The following LDB3 variants were observed in gnomAD, a reference collection of about 807,000 sequenced individuals.
The protein encoded by LDB3 is LIM domain binding 3.
In LDB3, 49 loss-of-function variants were observed where a neutral mutation model predicts 69.0. The observed-to-expected ratio is 0.71, with a 90% CI of 0.56 to 0.90. The LOEUF is 0.90. Among genes scored for constraint, LDB3 ranks in the 40% least tolerant of loss-of-function variants. The pLI is 0.00. For synonymous variants in LDB3, 387 were observed against 396.2 expected (o/e 0.98, Z 0.28); for missense variants, 928 against 974.1 (o/e 0.95, Z 0.63).
In LDB3 at chr10:86,734,313, AG is replaced by A. The variant is rs1847561148; in HGVS notation, c.*1339del. 1 of 152,220 alleles carries A rather than the reference AG, an allele frequency of 6.6e-6. No individual in the cohort carries two copies. The highest frequency in any genetic ancestry group is 2.4e-5 in the African/African-American group (1 of 41,464). 9.4% of individuals were successfully genotyped at this position (152,220 alleles called of 1,614,324 possible). ...CTTTATACTAGTGATAGTTTGAGTT[AG>A]GTAAGCATCTTAAAGCTGTTTGGTG... On this transcript the variant is annotated 3_prime_UTR_variant, in exon 14 of 14. Transcript: ENST00000361373.
chr10:86,723,081 A>C (rs1237267232), intron 12 of LDB3, among the ~76,000 whole-genome samples: 1 of 151,758 alleles, frequency 6.6e-6, no homozygotes, highest in Non-Finnish European at 1.5e-5. Flanking sequence ...AGCTTGGACA[A>C]TATAGGGAGA....
At chr10:86,709,448 A>G (rs1846557245) in intron 8 of LDB3, among the ~76,000 whole-genome samples, 1 of 152,186 alleles carries the variant, frequency 6.6e-6, no homozygotes, top group Non-Finnish European at 1.5e-5. Context: ...TCACTGGAGC[A>G]TCTGTGCCCA....
intron 2 of LDB3, among the ~76,000 whole-genome samples, chr10:86,671,002 C>T (rs1344409519): frequency 2.0e-5 from 3 of 152,228 alleles, no homozygotes; most frequent in African/African-American, 7.2e-5. Context: ...CCCTTCTGCA[C>T]CAGGGACATC....
intron 12 of LDB3, among the ~76,000 whole-genome samples, chr10:86,724,495 T>C (rs897775366): frequency 6.6e-6 from 1 of 151,472 alleles, no homozygotes; most frequent in Non-Finnish European, 1.5e-5. Context: ...TCCCAGCTAC[T>C]TGGGAGGCTG....
intron 3 of LDB3, 48 bp downstream of exon 3, chr10:86,679,566 A>G (rs765907567): frequency 1.7e-5 from 27 of 1,603,918 alleles, no homozygotes; most frequent in South Asian, 3.3e-5. Context: ...GGGTGTGGGC[A>G]TGGGGCAGGG....
rs767658173 is a variant in LDB3 at position 86,681,458 on chromosome 10, G to A, written c.344G>A (p.Gly115Asp). The change falls in exon 5 of 14, where the codon GGC becomes GAC. Residue 115 changes from glycine to aspartate, a missense_variant. By Grantham distance (94) the Gly-to-Asp change is moderately conservative. Transcript: ENST00000361373. Reference sequence around the variant, plus strand: ...CAGGACCCCGCTCTGGACACGAACGGCAGCCTGGTGGCACCCAGCCCCAGC... The same window carrying A: ...CAGGACCCCGCTCTGGACACGAACGACAGCCTGGTGGCACCCAGCCCCAGC... ...HQKDPALDTN[G>D]SLVAPSPSPE... 2.5e-5 allele frequency: 40 copies of A among 1,605,022 alleles called. No individual in the cohort carries two copies. The South Asian group carries it at 4.2e-4, about 17-fold the overall frequency.
chr10:86,681,116 G>A (rs1461334679), intron 4 of LDB3, among the ~76,000 whole-genome samples: 2 of 152,256 alleles, frequency 1.3e-5, no homozygotes, highest in Non-Finnish European at 2.9e-5. Flanking sequence ...GGGGCAGGGG[G>A]AACAGACACA....
intron 8 of LDB3, 54 bp from the exon 9 acceptor site, chr10:86,709,851 A>G: frequency 6.3e-7 from 1 of 1,596,370 alleles, no homozygotes; most frequent in African/African-American, 1.3e-5. Context: ...CCTTGACTGC[A>G]GGCCCCAGTG....
chr10:86,719,386 G>A (rs983103139), intron 12 of LDB3, among the ~76,000 whole-genome samples: 17 of 138,340 alleles, frequency 1.2e-4, no homozygotes, highest in African/African-American at 4.6e-4. Context: ...GTAAGATCCT[G>A]TATCTCAAAA....
At chr10:86,717,803 C>G (rs1846930619) in intron 10 of LDB3, among the ~76,000 whole-genome samples, 161 bp from the exon 11 acceptor site, 3 of 152,228 alleles carry the variant, frequency 2.0e-5, no homozygotes, top group Admixed American at 1.3e-4. Flanking sequence ...CAATGAACAC[C>G]TTTCTGCATG....
intron 13 of LDB3, among the ~76,000 whole-genome samples, chr10:86,731,731 G>A (rs1847465587): frequency 6.6e-6 from 1 of 152,074 alleles, no homozygotes; most frequent in South Asian, 2.1e-4. Context: ...AATGGTTCTT[G>A]TTCAACATGG....
chr10:86,687,350 C>T, intron 5 of LDB3: 2 of 1,405,420 alleles, frequency 1.4e-6, no homozygotes, highest in Non-Finnish European at 2.0e-6. Context: ...CCATCGGGAC[C>T]AGCTTTCTTC....
At chr10:86,692,646 C>T in intron 7 of LDB3, 75 bp downstream of exon 7, 1 of 1,340,838 alleles carries the variant, frequency 7.5e-7, no homozygotes, top group Admixed American at 1.7e-5. Context: ...CAGGTCACAT[C>T]ACTCATGGAA....
chr10:86,693,358 G>A (rs1006797024), intron 7 of LDB3, among the ~76,000 whole-genome samples: 8 of 152,108 alleles, frequency 5.3e-5, no homozygotes, highest in African/African-American at 1.7e-4. Flanking sequence ...TGTTCTTCCC[G>A]GCACTGTCTG....
At chr10:86,692,460 G>A in intron 6 of LDB3, 75 bp from the exon 7 acceptor site, 1 of 1,458,652 alleles carries the variant, frequency 6.9e-7, no homozygotes, top group Non-Finnish European at 9.6e-7. Context: ...TGGGGACTCA[G>A]TGCCCACAGA....
intron 2 of LDB3, among the ~76,000 whole-genome samples, chr10:86,676,619 G>A (rs1034561399): frequency 6.6e-5 from 10 of 152,024 alleles, no homozygotes; most frequent in African/African-American, 2.4e-4. Context: ...CAGCCCCTAG[G>A]GCTGAAATGG....
chr10:86,711,268 G>A (rs893911188), intron 9 of LDB3, among the ~76,000 whole-genome samples: 3 of 152,164 alleles, frequency 2.0e-5, no homozygotes, highest in African/African-American at 4.8e-5. Context: ...CCCGCCAGGC[G>A]GCGTCAGGGC....
At position 86,726,325 on chromosome 10, in the gene LDB3, C is replaced by A. The variant is rs1001604655; in HGVS notation, c.2094+73C>A. Reference sequence around the variant, plus strand: ...GAGGAAGTGGGAGCCAGATGACCAACCTCTACATACCTTGCCACGCTAGCT... The same window carrying A: ...GAGGAAGTGGGAGCCAGATGACCAAACTCTACATACCTTGCCACGCTAGCT... On this transcript the variant is annotated intron_variant, in intron 13 of 13. Transcript: ENST00000361373. The A allele has an allele frequency of 6.4e-6, 7 of 1,101,896 alleles. No individual in the cohort carries two copies. In the African/African-American group the frequency reaches 1.1e-4, roughly 17 times the overall value. The allele number at this position is 1,101,896 out of a possible 1,614,324, so 68.3% of individuals were successfully genotyped here.
chr10:86,724,910 C>T (rs186542124), intron 12 of LDB3, among the ~76,000 whole-genome samples: 46 of 152,288 alleles, frequency 3.0e-4, no homozygotes, highest in African/African-American at 9.1e-4. Context: ...TGAGAAGTTA[C>T]GCCACTTGCC....
Sources: allele counts gnomAD v4.1 joint callset (sites outside exome capture counted in the v4.1 genomes callset), GRCh38; gene constraint gnomAD v4.1.1; transcripts MANE v1.5; gene names NCBI Gene and HGNC (gene_info 2026-07-23, HGNC 2026-07-21).